SOX5: variants seen among roughly 807,000 people sequenced by gnomAD.
SOX5 encodes the protein transcription factor SOX-5.
A neutral mutation model predicts 92.0 loss-of-function variants in SOX5; 9 were observed. The ratio of observed to expected loss-of-function variants is 0.10; its 90% CI spans 0.06 to 0.17. SOX5 has a LOEUF of 0.17. SOX5 is among the 10% of genes least tolerant of loss of function. The pLI is 1.00. For synonymous variants in SOX5, 344 were observed against 336.3 expected (o/e 1.02, Z -0.25); for missense variants, 642 against 944.5 (o/e 0.68, Z 4.20).
rs1171944209 is a variant in SOX5, at chr12:23,594,005, T to A, written c.1164+10382A>T. Among the ~76,000 whole-genome samples the A allele has an allele frequency of 1.3e-5, 2 of 152,196 alleles. 1 individual carries two copies. The highest frequency in any genetic ancestry group is 4.1e-4 in the South Asian group (2 of 4,836). ...TAAAACAAGAGCTCCAAAACTCTTA[T>A]GAGCACTAGTATGTAGCAATTATAG... is the stretch of plus-strand genomic sequence containing the variant. On this transcript the variant is annotated intron_variant, in intron 9 of 14. Coordinates refer to ENST00000451604, the MANE Select transcript of SOX5 (RefSeq NM_006940.6).
rs182445884 is a variant in SOX5 at position 24,423,555 on chromosome 12, A to G, written c.-250-54916T>C. On this transcript the variant is annotated intron_variant, in intron 1 of 4. Transcript: ENST00000446891. ...ATTCCTTCTACACGGAGCATTTCAT[A>G]TAACAAAGTATGTAGAAATCACACA... Among the ~76,000 whole-genome samples the G allele has an allele frequency of 6.4e-4, 98 of 152,382 alleles. 1 individual carries two copies. The highest frequency in any genetic ancestry group is 2.3e-3 in the African/African-American group (96 of 41,602).
intron 4 of SOX5, among the ~76,000 whole-genome samples, chr12:24,178,373 C>T (rs868525287): frequency 3.3e-5 from 5 of 151,244 alleles, no homozygotes; most frequent in African/African-American, 1.2e-4. Flanking sequence ...TGAAGAAGTT[C>T]CAGGTGCAGA....
At position 23,736,280 on chromosome 12, in the gene SOX5, T is replaced by G. The variant is rs2093590100; in HGVS notation, c.742-1528A>C. ...ATCAAGACCATCCTGGCTAACAGGG[T>G]GAAACCCCATCTCTACTAAAAATAC... is the stretch of plus-strand genomic sequence containing the variant. On this transcript the variant is annotated intron_variant, in intron 5 of 14. Transcript: ENST00000451604. 5.3e-5 allele frequency among the ~76,000 whole-genome samples: 8 copies of G among 151,534 alleles called. No homozygotes were observed. In the South Asian group the frequency reaches 1.7e-3, roughly 32 times the overall value.
At chr12:24,020,577 G>A (rs961057594) in intron 4 of SOX5, among the ~76,000 whole-genome samples, 2 of 152,108 alleles carry the variant, frequency 1.3e-5, no homozygotes, top group East Asian at 1.9e-4. Context: ...CACAAGCTGC[G>A]GAGCTGTGAA....
intron 4 of SOX5, among the ~76,000 whole-genome samples, chr12:24,019,315 T>C (rs552315421): frequency 5.5e-4 from 84 of 152,300 alleles, no homozygotes; most frequent in African/African-American, 1.9e-3. Flanking sequence ...TTTAATTCTT[T>C]AGATAACATA....
At chr12:23,781,425 G>A (rs909487416) in intron 3 of SOX5, among the ~76,000 whole-genome samples, 2 of 151,762 alleles carry the variant, frequency 1.3e-5, no homozygotes, top group African/African-American at 4.8e-5. Context: ...ATGCTTACAA[G>A]GTCTACCTGT....
At chr12:23,628,056 A>G (rs2078062534) in intron 8 of SOX5, among the ~76,000 whole-genome samples, 1 of 152,130 alleles carries the variant, frequency 6.6e-6, no homozygotes, top group Non-Finnish European at 1.5e-5. Context: ...AGCATAAATC[A>G]AACCAAAACA....
At chr12:23,977,050 C>T (rs560230587) in intron 4 of SOX5, among the ~76,000 whole-genome samples, 3 of 152,140 alleles carry the variant, frequency 2.0e-5, no homozygotes, top group South Asian at 2.1e-4. Context: ...CCTCATTATC[C>T]TTATGGAAAT....
intron 2 of SOX5, among the ~76,000 whole-genome samples, chr12:24,350,213 T>C (rs1397150276): frequency 6.6e-6 from 1 of 152,254 alleles, no homozygotes; most frequent in Non-Finnish European, 1.5e-5. Context: ...GTTCCTTCTG[T>C]AGAAACCTTA....
intron 3 of SOX5, among the ~76,000 whole-genome samples, chr12:23,764,222 C>G (rs936090876): frequency 2.0e-5 from 3 of 152,176 alleles, no homozygotes; most frequent in Non-Finnish European, 2.9e-5. Flanking sequence ...ATTTTCATGA[C>G]TATTTTTGTT....
At chr12:24,150,392 T>C (rs1200323438) in intron 4 of SOX5, among the ~76,000 whole-genome samples, 1 of 152,122 alleles carries the variant, frequency 6.6e-6, no homozygotes, top group Non-Finnish European at 1.5e-5. Flanking sequence ...TATCATTAAT[T>C]TGAAAATGTG....
chr12:23,814,578 A>G (rs1461688052), intron 3 of SOX5, among the ~76,000 whole-genome samples: 1 of 152,158 alleles, frequency 6.6e-6, no homozygotes, highest in African/African-American at 2.4e-5. Flanking sequence ...GGACGTACAC[A>G]ATTTTTCACT....
chr12:23,598,764 G>A (rs1211553453), intron 9 of SOX5, among the ~76,000 whole-genome samples: 1 of 152,146 alleles, frequency 6.6e-6, no homozygotes, highest in African/African-American at 2.4e-5. Context: ...TTTATACTTT[G>A]TGTTAGTGGT....
intron 6 of SOX5, among the ~76,000 whole-genome samples, chr12:23,726,667 G>C (rs747156629): frequency 2.0e-5 from 3 of 152,124 alleles, no homozygotes; most frequent in Non-Finnish European, 4.4e-5. Context: ...GGACTACAGA[G>C]CCTCAGTGAG....
intron 4 of SOX5, among the ~76,000 whole-genome samples, chr12:24,057,834 T>G: frequency 6.6e-6 from 1 of 152,230 alleles, no homozygotes; most frequent in Non-Finnish European, 1.5e-5. Flanking sequence ...TGACACTCAC[T>G]GGAATGGCAT....
At chr12:24,484,722 A>G (rs1946341159) in intron 1 of SOX5, among the ~76,000 whole-genome samples, 2 of 152,210 alleles carry the variant, frequency 1.3e-5, no homozygotes, top group African/African-American at 4.8e-5. Flanking sequence ...AAATCGTGTC[A>G]AAAACATTTC....
rs1187526280 is a variant in SOX5 at position 24,507,303 on chromosome 12, G to C, written c.-251+55026C>G. Among the ~76,000 whole-genome samples, 10 of 151,838 alleles carry C rather than the reference G, an allele frequency of 6.6e-5. No homozygotes were observed. The East Asian group carries it at 1.9e-3, about 29-fold the overall frequency. ...AATTAGGTATATAAGTAGATAATTA[G>C]GTAGGTAGATGGATGGATAGACTAT... On this transcript the variant is annotated intron_variant, in intron 1 of 4. Transcript: ENST00000446891.
chr12:23,973,867 C>T lies in SOX5; in HGVS notation c.-1-77843G>A, dbSNP rs141393162. On this transcript the variant is annotated intron_variant, in intron 4 of 4. Transcript: ENST00000446891. ...CTGCACATGCGAGGGATCTAGGTTG[C>T]GCGCTCATATGAGAATCTAACTAAT... Among the ~76,000 whole-genome samples, 49 of 152,214 alleles carry T rather than the reference C, an allele frequency of 3.2e-4. No individual in the cohort carries two copies. The South Asian group carries it at 3.5e-3, about 11-fold the overall frequency.
intron 1 of SOX5, among the ~76,000 whole-genome samples, chr12:24,418,498 G>C (rs1289922921): frequency 6.6e-6 from 1 of 152,222 alleles, no homozygotes; most frequent in East Asian, 1.9e-4. Context: ...CTGTTAAAGA[G>C]AGCCACTGGA....
Sources: allele counts gnomAD v4.1 joint callset (sites outside exome capture counted in the v4.1 genomes callset), GRCh38; gene constraint gnomAD v4.1.1; transcripts MANE v1.5; gene names NCBI Gene and HGNC (gene_info 2026-07-23, HGNC 2026-07-21).